Variants in TLL1 observed in about 807,000 individuals in gnomAD.
TLL1 encodes tolloid-like protein 1.
A neutral mutation model predicts 128.2 loss-of-function variants in TLL1; 49 were observed. That is an observed-to-expected ratio of 0.38 (90% confidence interval 0.30 to 0.48). The LOEUF (loss-of-function observed/expected upper bound fraction) is 0.48. Ranked by LOEUF, TLL1 falls within the 20% of genes least tolerant of loss-of-function variation. TLL1 has a pLI of 0.96. For missense variants in TLL1, 1,123 were observed against 1,242.0 expected (o/e 0.90, Z 1.44); for synonymous variants, 454 against 418.8 (o/e 1.08, Z -1.03).
intron 19 of TLL1, among the ~76,000 whole-genome samples, chr4:166,093,880 C>G (rs1018244254): frequency 6.6e-6 from 1 of 152,126 alleles, no homozygotes; most frequent in African/African-American, 2.4e-5. Context: ...GCCCTAGATC[C>G]CTTAAACCTT....
chr4:165,954,800 C>A (rs1267309915), intron 1 of TLL1, among the ~76,000 whole-genome samples: 1 of 151,958 alleles, frequency 6.6e-6, no homozygotes, highest in Non-Finnish European at 1.5e-5. Flanking sequence ...AACAAAAAAC[C>A]CCATCCAATT....
chr4:165,950,643 G>A (rs75028750), intron 1 of TLL1, among the ~76,000 whole-genome samples: 10 of 151,984 alleles, frequency 6.6e-5, no homozygotes, highest in East Asian at 1.9e-4. Flanking sequence ...ATTAAATAAC[G>A]TATATAACAT....
intron 15 of TLL1, among the ~76,000 whole-genome samples, chr4:166,063,857 G>A (rs1476264812): frequency 6.6e-6 from 1 of 152,226 alleles, no homozygotes; most frequent in East Asian, 1.9e-4. Context: ...AAGGTGGGGG[G>A]AGGGGGAAGG....
At chr4:166,024,727 C>T (rs973443160) in intron 8 of TLL1, among the ~76,000 whole-genome samples, 4 of 151,652 alleles carry the variant, frequency 2.6e-5, no homozygotes, top group Non-Finnish European at 4.4e-5. Flanking sequence ...TAACCTCAAC[C>T]GAGAAAAGTA....
intron 12 of TLL1, among the ~76,000 whole-genome samples, chr4:166,047,546 A>G (rs151305548): frequency 4.5e-4 from 68 of 150,298 alleles, no homozygotes; most frequent in African/African-American, 1.6e-3. Context: ...AGATATAAGG[A>G]CCATGAAGAT....
chr4:165,984,888 A>T lies in TLL1; in HGVS notation c.170-4493A>T, dbSNP rs377206087. 1.5e-3 allele frequency among the ~76,000 whole-genome samples: 229 copies of T among 152,124 alleles called. 2 individuals are homozygous for T. The highest frequency in any genetic ancestry group is 5.0e-3 in the African/African-American group (206 of 41,542). ...GAGATTGAGGGGCTTGTAAATATTT[A>T]TTCTTGGAATAGTTAAATATTTAGT... On this transcript the variant is annotated intron_variant, in intron 1 of 20. Coordinates refer to ENST00000061240, the MANE Select transcript of TLL1 (RefSeq NM_012464.5).
At chr4:165,985,909 C>T (rs1278291251) in intron 1 of TLL1, among the ~76,000 whole-genome samples, 1 of 151,768 alleles carries the variant, frequency 6.6e-6, no homozygotes, top group African/African-American at 2.4e-5. Flanking sequence ...CTGGTTAGCT[C>T]CAACCCCCTA....
chr4:165,907,901 C>A (rs2048339801), intron 1 of TLL1, among the ~76,000 whole-genome samples: 1 of 152,126 alleles, frequency 6.6e-6, no homozygotes, highest in African/African-American at 2.4e-5. Context: ...ATTGAAATAC[C>A]TGTTCATTAT....
At chr4:166,020,822 C>G (rs1421760950) in intron 8 of TLL1, among the ~76,000 whole-genome samples, 1 of 151,946 alleles carries the variant, frequency 6.6e-6, no homozygotes, top group Admixed American at 6.6e-5. Context: ...AATTGATAAT[C>G]TAAAAATAAA....
chr4:165,939,390 T>A (rs906867712), intron 1 of TLL1, among the ~76,000 whole-genome samples: 1 of 152,148 alleles, frequency 6.6e-6, no homozygotes, highest in Non-Finnish European at 1.5e-5. Flanking sequence ...GTTTATTATA[T>A]ACTTAGTGTT....
At chr4:165,923,281 C>T (rs2110891808) in intron 1 of TLL1, among the ~76,000 whole-genome samples, 1 of 151,754 alleles carries the variant, frequency 6.6e-6, no homozygotes, top group East Asian at 1.9e-4. Context: ...ACATTGCTGA[C>T]TTTTGTAAGT....
chr4:166,101,905 C>T lies in TLL1; in HGVS notation c.*1029C>T, dbSNP rs1443436550. On this transcript the variant is annotated 3_prime_UTR_variant, in exon 21 of 21. Coordinates refer to ENST00000061240, the MANE Select transcript of TLL1 (RefSeq NM_012464.5). ...AAAGGTCTCTTTCATTTTTCTCTTC[C>T]TGGGATTCATTTTTTCAAAACACAA... 6.6e-6 allele frequency: 1 copy of T among 152,168 alleles called. No individual in the cohort carries two copies. The highest frequency in any genetic ancestry group is 1.5e-5 in the Non-Finnish European group (1 of 67,874). The allele number at this position is 152,168 out of a possible 1,614,324, so 9.4% of individuals were successfully genotyped here.
chr4:165,987,521 T>A (rs536259455), intron 1 of TLL1, among the ~76,000 whole-genome samples: 23 of 152,182 alleles, frequency 1.5e-4, no homozygotes, highest in African/African-American at 5.3e-4. Context: ...GTGGCTTTGC[T>A]GCTATGAGAG....
chr4:166,097,367 A>G (rs1453228165), intron 19 of TLL1, among the ~76,000 whole-genome samples: 1 of 152,086 alleles, frequency 6.6e-6, no homozygotes, highest in Non-Finnish European at 1.5e-5. Flanking sequence ...ACATAAATAC[A>G]TTTGTAATAG....
chr4:165,909,182 G>A (rs530134056), intron 1 of TLL1, among the ~76,000 whole-genome samples: 32 of 151,066 alleles, frequency 2.1e-4, no homozygotes, highest in Admixed American at 7.9e-4. Context: ...GTAAGACTCC[G>A]TCTCAAAAAA....
At chr4:166,001,994 C>T (rs1234002044) in intron 5 of TLL1, among the ~76,000 whole-genome samples, 2 of 152,154 alleles carry the variant, frequency 1.3e-5, no homozygotes, top group African/African-American at 4.8e-5. Flanking sequence ...CATTATACTA[C>T]TCCCAGTTGT....
intron 9 of TLL1, chr4:166,030,879 A>C: frequency 1.0e-6 from 1 of 988,108 alleles, no homozygotes; most frequent in Non-Finnish European, 1.2e-6. Flanking sequence ...GATTTTTTAC[A>C]TGAATTTATA....
At chr4:165,984,550 C>A (rs1410764622) in intron 1 of TLL1, among the ~76,000 whole-genome samples, 2 of 151,858 alleles carry the variant, frequency 1.3e-5, no homozygotes, top group Non-Finnish European at 2.9e-5. Context: ...CCTTTTCAGA[C>A]CTTCACATGA....
At chr4:165,925,487 C>G (rs1488951579) in intron 1 of TLL1, among the ~76,000 whole-genome samples, 2 of 152,044 alleles carry the variant, frequency 1.3e-5, no homozygotes, top group Non-Finnish European at 2.9e-5. Flanking sequence ...TTGCTGCAAT[C>G]CCATGATAAA....
Sources: gnomAD v4.1 joint callset for allele counts (sites outside exome capture counted in the v4.1 genomes callset) on GRCh38, gnomAD v4.1.1 for gene constraint, MANE v1.5 for transcripts, NCBI Gene and HGNC (gene_info 2026-07-23, HGNC 2026-07-21) for gene names.